The following PRKG1 variants were observed in gnomAD, a reference collection of about 807,000 sequenced individuals.
The protein encoded by PRKG1 is cGMP-dependent protein kinase 1.
PRKG1 carries 35 observed loss-of-function variants against 88.1 expected under a neutral mutation model. The ratio of observed to expected loss-of-function variants is 0.40; its 90% CI spans 0.30 to 0.53. The LOEUF is 0.53. PRKG1 is among the 20% of genes least tolerant of loss of function. PRKG1 has a pLI of 0.59. For synonymous variants in PRKG1, 303 were observed against 292.5 expected (o/e 1.04, Z -0.37); for missense variants, 540 against 839.8 (o/e 0.64, Z 4.41).
intron 2 of PRKG1, among the ~76,000 whole-genome samples, chr10:51,266,704 A>G (rs1839844809): frequency 6.6e-6 from 1 of 152,214 alleles, no homozygotes; most frequent in Non-Finnish European, 1.5e-5. Context: ...ACTTGCACGC[A>G]GCACAAAGGT....
chr10:52,238,840 T>C (rs1177338147), intron 9 of PRKG1, among the ~76,000 whole-genome samples: 21 of 150,414 alleles, frequency 1.4e-4, no homozygotes, highest in Non-Finnish European at 3.0e-4. Context: ...CAAATGACTA[T>C]AAATCATGCT....
At chr10:52,257,062 G>T (rs1841325629) in intron 10 of PRKG1, among the ~76,000 whole-genome samples, 1 of 139,314 alleles carries the variant, frequency 7.2e-6, no homozygotes, top group Non-Finnish European at 1.6e-5. Context: ...CCTCAGTTGG[G>T]CATAATAAAG....
chr10:51,399,064 A>C (rs1456118658), intron 2 of PRKG1, among the ~76,000 whole-genome samples: 1 of 152,062 alleles, frequency 6.6e-6, no homozygotes, highest in South Asian at 2.1e-4. Context: ...TAGCTTCCAT[A>C]ATTTTATTGT....
intron 5 of PRKG1, among the ~76,000 whole-genome samples, chr10:52,048,850 G>C (rs113974037): frequency 0.019 from 2,916 of 152,114 alleles, 81 homozygotes; most frequent in African/African-American, 0.066. Context: ...TTTCTTATTT[G>C]AAATGAAGAG....
At chr10:51,502,697 A>G (rs766654580) in intron 3 of PRKG1, among the ~76,000 whole-genome samples, 5 of 152,162 alleles carry the variant, frequency 3.3e-5, no homozygotes, top group Non-Finnish European at 7.3e-5. Context: ...TGATCATCAA[A>G]TGAAATCATG....
intron 5 of PRKG1, among the ~76,000 whole-genome samples, chr10:51,991,831 A>G (rs563989599): frequency 6.6e-4 from 101 of 152,366 alleles, no homozygotes; most frequent in African/African-American, 2.3e-3. Flanking sequence ...TAGTGCCACA[A>G]TAAACATACG....
chr10:51,997,907 T>G (rs1046912460), intron 5 of PRKG1, among the ~76,000 whole-genome samples: 9 of 152,130 alleles, frequency 5.9e-5, no homozygotes, highest in African/African-American at 2.2e-4. Context: ...CTTACTCTGC[T>G]GACCATAACT....
intron 2 of PRKG1, among the ~76,000 whole-genome samples, chr10:51,407,061 C>T (rs1837940261): frequency 2.0e-5 from 3 of 152,254 alleles, no homozygotes; most frequent in South Asian, 2.1e-4. Context: ...GCTTTATATT[C>T]GCTGGCAGCT....
Position 52,292,712 on chromosome 10 carries a change from C to A in PRKG1, c.1963-1090C>A, listed in dbSNP as rs183155175. On this transcript the variant is annotated intron_variant, in intron 17 of 17. Transcript: ENST00000373980. Reference sequence around the variant, plus strand: ...AAGGCCTCTGACAAAATTTAACAACCCTTCATGCTAAAAACTCTCAATAAA... The same window carrying A: ...AAGGCCTCTGACAAAATTTAACAACACTTCATGCTAAAAACTCTCAATAAA... Among the ~76,000 whole-genome samples the A allele has an allele frequency of 4.5e-3, 683 of 152,042 alleles. 2 individuals are homozygous for A. The highest frequency in any genetic ancestry group is 0.014 in the African/African-American group (598 of 41,442).
intron 3 of PRKG1, among the ~76,000 whole-genome samples, chr10:51,579,850 A>G (rs1432883435): frequency 6.6e-6 from 1 of 152,138 alleles, no homozygotes; most frequent in Non-Finnish European, 1.5e-5. Flanking sequence ...TGAATTTAGC[A>G]TGTAAAACAT....
intron 5 of PRKG1, among the ~76,000 whole-genome samples, chr10:51,924,082 C>T (rs2132986388): frequency 6.6e-6 from 1 of 152,206 alleles, no homozygotes; most frequent in East Asian, 1.9e-4. Flanking sequence ...TCCTCAGCTT[C>T]CCAAAGTTCT....
intron 5 of PRKG1, among the ~76,000 whole-genome samples, chr10:52,040,788 G>T (rs10823995): frequency 6.7e-6 from 1 of 148,524 alleles, no homozygotes; most frequent in Admixed American, 6.8e-5. Flanking sequence ...ACTTTTTCTC[G>T]CTTAAGTATG....
At chr10:51,724,136 A>C (rs1564621907) in intron 3 of PRKG1, among the ~76,000 whole-genome samples, 1 of 152,142 alleles carries the variant, frequency 6.6e-6, no homozygotes, top group Non-Finnish European at 1.5e-5. Context: ...GCAGGTGAAA[A>C]ATACAAGAAA....
intron 9 of PRKG1, among the ~76,000 whole-genome samples, chr10:52,244,815 A>AAT (rs369399292): frequency 3.5e-4 from 23 of 65,704 alleles, no homozygotes; most frequent in South Asian, 1.3e-3. Flanking sequence ...GATATATTTA[A>AAT]ATATATTTAA....
At chr10:51,893,350 C>T (rs1304402687) in intron 4 of PRKG1, among the ~76,000 whole-genome samples, 2 of 151,998 alleles carry the variant, frequency 1.3e-5, no homozygotes, top group Non-Finnish European at 2.9e-5. Flanking sequence ...TTTACACAGA[C>T]CAGGGTAATC....
At chr10:52,050,184 G>A (rs376750933) in intron 5 of PRKG1, among the ~76,000 whole-genome samples, 1 of 152,028 alleles carries the variant, frequency 6.6e-6, no homozygotes, top group East Asian at 1.9e-4. Flanking sequence ...CTCAGGCCTG[G>A]TGGTGGCACA....
chr10:51,788,280 C>A (rs900024409), intron 3 of PRKG1, among the ~76,000 whole-genome samples: 1 of 152,146 alleles, frequency 6.6e-6, no homozygotes, highest in Non-Finnish European at 1.5e-5. Context: ...TCAATTACAG[C>A]TTATTTTTCT....
At chr10:51,124,099 T>C (rs1313042386) in intron 1 of PRKG1, among the ~76,000 whole-genome samples, 2 of 152,126 alleles carry the variant, frequency 1.3e-5, no homozygotes, top group Non-Finnish European at 2.9e-5. Flanking sequence ...CCAAACACTA[T>C]CATGCTCTTT....
intron 4 of PRKG1, among the ~76,000 whole-genome samples, chr10:51,837,564 T>C (rs1271615589): frequency 6.6e-6 from 1 of 152,112 alleles, no homozygotes; most frequent in African/African-American, 2.4e-5. Context: ...ACTAGAACTT[T>C]ATTCCCTCTC....
Sources: gnomAD v4.1 joint callset for allele counts (sites outside exome capture counted in the v4.1 genomes callset) on GRCh38, gnomAD v4.1.1 for gene constraint, MANE v1.5 for transcripts, NCBI Gene and HGNC (gene_info 2026-07-23, HGNC 2026-07-21) for gene names.